Variants in AGAP3 observed in about 807,000 individuals in gnomAD.
AGAP3 encodes arf-GAP with GTPase, ANK repeat and PH domain-containing protein 3.
Under a neutral mutation model 96.9 loss-of-function variants are expected in AGAP3, and 24 were observed. That is an observed-to-expected ratio of 0.25 (90% CI 0.18 to 0.35). The LOEUF (loss-of-function observed/expected upper bound fraction) is 0.35. Among genes scored for constraint, AGAP3 ranks in the 10% least tolerant of loss-of-function variants. The pLI, the probability that AGAP3 is intolerant of heterozygous loss-of-function variation, is 1.00. For synonymous variants in AGAP3, 563 were observed against 536.1 expected (o/e 1.05, Z -0.69); for missense variants, 876 against 1,254.2 (o/e 0.70, Z 4.55).
intron 4 of AGAP3, 26 bp downstream of exon 4, chr7:151,117,482 C>G (rs1484852441): frequency 1.2e-6 from 2 of 1,613,862 alleles, no homozygotes; most frequent in South Asian, 2.2e-5. Flanking sequence ...AGGGTTAGGG[C>G]CCACCGCTGT....
At chr7:151,131,680 T>G (rs975507701) in intron 10 of AGAP3, among the ~76,000 whole-genome samples, 1 of 152,198 alleles carries the variant, frequency 6.6e-6, no homozygotes, top group African/African-American at 2.4e-5. Context: ...ATGTAGAGTG[T>G]CTGGCTGGTG....
At chr7:151,128,339 C>G in intron 9 of AGAP3, 1 of 509,888 alleles carries the variant, frequency 2.0e-6, no homozygotes, top group Non-Finnish European at 3.6e-6. Context: ...AAGACGCCCA[C>G]CTGCCGGAAC....
chr7:151,143,644 T>G lies in AGAP3; in HGVS notation c.2529+48T>G. 1.2e-6 allele frequency: 2 copies of G among 1,601,782 alleles called. No homozygotes were observed. The highest frequency in any genetic ancestry group is 1.7e-6 in the Non-Finnish European group (2 of 1,172,224). On this transcript the variant is annotated intron_variant, in intron 17 of 17. Transcript: ENST00000397238. The surrounding 1 kb of genome is among the most constrained non-coding windows in gnomAD (Gnocchi z 5.9). ...GCCCTGACCTCGCTCTTCTTAGCCT[T>G]GTTCTTTGAAAGCAACCTCTTCTTT...
intron 9 of AGAP3, among the ~76,000 whole-genome samples, chr7:151,126,450 G>C (rs1800181181): frequency 1.3e-5 from 2 of 149,908 alleles, no homozygotes; most frequent in South Asian, 4.2e-4. Context: ...GAGAGGCTGG[G>C]AGAGGCTGGG....
At chr7:151,115,479 T>G (rs1346419087) in intron 1 of AGAP3, 1 of 1,014,846 alleles carries the variant, frequency 9.9e-7, no homozygotes, top group Non-Finnish European at 1.2e-6. Flanking sequence ...CCTGCTGGGC[T>G]CCGACGCCCC....
At position 151,104,002 on chromosome 7, in the gene AGAP3, T is replaced by TG. The variant is rs747109889; in HGVS notation, c.332-12789dup. ...CCACGGGACCACAGCCTTAGTGCCG[T>TG]GGCGGGGGCGTGAGGACTGGGTCTC... On this transcript the variant is annotated intron_variant, in intron 1 of 17. Coordinates refer to ENST00000397238, the MANE Select transcript of AGAP3 (RefSeq NM_031946.7). 7.3e-3 allele frequency among the ~76,000 whole-genome samples: 1,115 copies of TG among 151,836 alleles called. 9 individuals are homozygous for TG. The highest frequency in any genetic ancestry group is 0.012 in the Non-Finnish European group (786 of 67,912).
At position 151,114,602 on chromosome 7, in the gene AGAP3, C is replaced by A. The variant is rs1023298311; in HGVS notation, c.332-2191C>A. The A allele has an allele frequency of 5.1e-6, 3 of 588,730 alleles. No individual in the cohort carries two copies. In the Admixed American group the frequency reaches 1.9e-4, roughly 37 times the overall value. 36.5% of individuals were successfully genotyped at this position (588,730 alleles called of 1,614,324 possible). A position where few individuals can be genotyped will look rare whatever the true frequency, so the allele number is the denominator to read the frequency against. ...TCTCCGGGCTGGGCTGACTCCCGGC[C>A]TCTCCAGGTCTGGGCTTGCCGGCCG... On this transcript the variant is annotated intron_variant, in intron 1 of 17. Coordinates refer to ENST00000397238, the MANE Select transcript of AGAP3 (RefSeq NM_031946.7). This position sits in a 1 kb window ranked among gnomAD's most constrained non-coding sequence, Gnocchi z 4.4.
At chr7:151,131,930 C>T (rs1478555562) in intron 10 of AGAP3, among the ~76,000 whole-genome samples, 1 of 152,218 alleles carries the variant, frequency 6.6e-6, no homozygotes, top group Non-Finnish European at 1.5e-5. Context: ...GCAGCTGTGC[C>T]TTTGGCCCAG....
At chr7:151,104,398 T>G (rs1243810416) in intron 1 of AGAP3, among the ~76,000 whole-genome samples, 7 of 152,198 alleles carry the variant, frequency 4.6e-5, no homozygotes, top group Non-Finnish European at 1.0e-4. Context: ...GCCGGATACA[T>G]GCTTTGCGTG....
chr7:151,107,871 G>A (rs1176019864), intron 1 of AGAP3, among the ~76,000 whole-genome samples: 4 of 152,214 alleles, frequency 2.6e-5, no homozygotes, highest in Admixed American at 6.5e-5. Context: ...AGAGCCGTAC[G>A]ATGCTTCATA....
rs775410840 is a variant in AGAP3 at position 151,118,470 on chromosome 7, C to T, written c.842-35C>T. 8 of 1,611,052 alleles carry T rather than the reference C, an allele frequency of 5.0e-6. No homozygotes were observed. The highest frequency in any genetic ancestry group is 6.8e-6 in the Non-Finnish European group (8 of 1,177,476). ...GCTAAGCCAGGCTTTTCCCTTCTCT[C>T]CAGTGGGTATAATTGACTCTGCTGT... On this transcript the variant is annotated intron_variant, in intron 6 of 17. Transcript: ENST00000397238. This position sits in a 1 kb window ranked among gnomAD's most constrained non-coding sequence, Gnocchi z 6.1.
intron 1 of AGAP3, chr7:151,112,296 T>C (rs1258473061): frequency 6.6e-6 from 1 of 152,216 alleles, no homozygotes; most frequent in Non-Finnish European, 1.5e-5. Context: ...GGTGGCACTT[T>C]CTCCTTGGAC....
Position 151,143,543 on chromosome 7 carries a change from C to G in AGAP3, c.2476C>G (p.Leu826Val), listed in dbSNP as rs765993076. The G allele has an allele frequency of 1.9e-6, 3 of 1,613,460 alleles. No individual in the cohort carries two copies. The highest frequency in any genetic ancestry group is 3.3e-5 in the Admixed American group (2 of 59,978). Reference protein sequence around the residue: ...TYGDGDGRTALHLSSAMANVV... With the variant: ...TYGDGDGRTAVHLSSAMANVV... ...TGGGGACGGGGACGGGCGGACGGCT[C>G]TACATCTCTCCAGTGCCATGGCCAA... Residue 826 changes from leucine (L) to valine (V), a missense_variant, in exon 17 of 18, where the codon CTA becomes GTA. Leu to Val is a conservative substitution (Grantham distance 32). Around this residue, in one of 8 missense-constraint regions of AGAP3, gnomAD observed 213 missense variants for 253.8 expected, o/e 0.84. Coordinates refer to ENST00000397238, the MANE Select transcript of AGAP3 (RefSeq NM_031946.7). This position sits in a 1 kb window ranked among gnomAD's most constrained non-coding sequence, Gnocchi z 5.9.
chr7:151,135,728 C>A (rs1017989465), intron 11 of AGAP3, among the ~76,000 whole-genome samples: 1 of 152,200 alleles, frequency 6.6e-6, no homozygotes, highest in African/African-American at 2.4e-5. Flanking sequence ...CTGAGATGTA[C>A]CCTATGCAGT....
At chr7:151,123,716 G>C in intron 8 of AGAP3, 78 bp from the exon 9 acceptor site, 1 of 1,590,938 alleles carries the variant, frequency 6.3e-7, no homozygotes, top group East Asian at 2.3e-5. Context: ...GGAGGCAGGA[G>C]GGAGGCCGGG....
At chr7:151,132,477 C>T (rs2150517864) in intron 10 of AGAP3, among the ~76,000 whole-genome samples, 1 of 152,312 alleles carries the variant, frequency 6.6e-6, no homozygotes, top group South Asian at 2.1e-4. Flanking sequence ...TGGGCTCCTT[C>T]CTGAACACAC....
chr7:151,126,167 C>G (rs1800158913), intron 9 of AGAP3, among the ~76,000 whole-genome samples: 1 of 152,082 alleles, frequency 6.6e-6, no homozygotes, highest in South Asian at 2.1e-4. Flanking sequence ...TTGCCGAGGA[C>G]GGGGGCGTTC....
At chr7:151,115,220 G>C in intron 1 of AGAP3, 1 of 1,001,346 alleles carries the variant, frequency 1.0e-6, no homozygotes, top group Non-Finnish European at 1.2e-6. Flanking sequence ...TGGGGCGCGC[G>C]GGCAGCGCGG....
At position 151,115,606 on chromosome 7, in the gene AGAP3, C is replaced by T. The variant is rs1456087694; in HGVS notation, c.332-1187C>T. On this transcript the variant is annotated intron_variant, in intron 1 of 17. Coordinates refer to ENST00000397238, the MANE Select transcript of AGAP3 (RefSeq NM_031946.7). ...GCCGCGCCGCTGTGGGGCCGTCGGG[C>T]GGCTGCGGCCCCGGAGCTCCTGCGC... is the stretch of plus-strand genomic sequence containing the variant. The T allele has an allele frequency of 1.4e-5, 16 of 1,166,910 alleles. No homozygotes were observed. The Admixed American group carries it at 6.6e-4, about 48-fold the overall frequency. The allele number at this position is 1,166,910 out of a possible 1,614,324, so 72.3% of individuals were successfully genotyped here. A position where few individuals can be genotyped will look rare whatever the true frequency, so the allele number is the denominator to read the frequency against.
Sources: allele counts gnomAD v4.1 joint callset (sites outside exome capture counted in the v4.1 genomes callset), GRCh38; gene constraint gnomAD v4.1.1; regional missense constraint gnomAD v4.1.1; non-coding constraint Gnocchi (gnomAD v3.1); transcripts MANE v1.5; gene names NCBI Gene and HGNC (gene_info 2026-07-23, HGNC 2026-07-21).